The following RPS6KA2 variants were observed in gnomAD, a reference collection of about 807,000 sequenced individuals.
The protein encoded by RPS6KA2 is ribosomal protein S6 kinase A2.
In RPS6KA2, 42 loss-of-function variants were observed where a neutral mutation model predicts 91.8. The ratio of observed to expected loss-of-function variants is 0.46; its 90% CI spans 0.36 to 0.59. RPS6KA2 has a LOEUF of 0.59. Ranked by LOEUF, RPS6KA2 falls within the 20% of genes least tolerant of loss-of-function variation. The pLI is 0.00. For missense variants in RPS6KA2, 798 were observed against 978.5 expected (o/e 0.82, Z 2.46); for synonymous variants, 414 against 393.6 (o/e 1.05, Z -0.61).
At chr6:166,840,580 A>C (rs1780444239) in intron 2 of RPS6KA2, among the ~76,000 whole-genome samples, 2 of 152,224 alleles carry the variant, frequency 1.3e-5, no homozygotes, top group African/African-American at 4.8e-5. Flanking sequence ...AATGCTAGAC[A>C]GCACGTCCTT....
chr6:166,862,727 T>C (rs13362600), upstream of RPS6KA2: 21,715 of 127,146 alleles, frequency 0.17, 2,254 homozygotes, highest in Non-Finnish European at 0.2. Flanking sequence ...GGCAGGTCTT[T>C]CCCCCCCACC....
At position 166,433,817 on chromosome 6, in the gene RPS6KA2, C is replaced by T. The variant is rs1044470695; in HGVS notation, c.1333-1327G>A. Among the ~76,000 whole-genome samples the T allele has an allele frequency of 3.3e-5, 5 of 152,150 alleles. No homozygotes were observed. The highest frequency in any genetic ancestry group is 7.3e-5 in the Non-Finnish European group (5 of 68,028). Reference sequence around the variant, plus strand: ...TTGCCTAGGTTGGAATACAGTGGTACAAGCATAGTTCACTGCAACATCAAA... The same window carrying T: ...TTGCCTAGGTTGGAATACAGTGGTATAAGCATAGTTCACTGCAACATCAAA... On this transcript the variant is annotated intron_variant, in intron 14 of 20. Transcript: ENST00000265678. The surrounding 1 kb of genome is among the most constrained non-coding windows in gnomAD (Gnocchi z 4.4).
At chr6:166,836,449 ATG>A (rs910484277) in intron 2 of RPS6KA2, among the ~76,000 whole-genome samples, 6 of 35,448 alleles carry the variant, frequency 1.7e-4, no homozygotes, top group Admixed American at 6.1e-4. Flanking sequence ...GTAAATATAC[ATG>A]TTAATTATTT....
chr6:166,475,566 G>A (rs558155959), intron 10 of RPS6KA2, among the ~76,000 whole-genome samples: 8 of 152,238 alleles, frequency 5.3e-5, no homozygotes, highest in South Asian at 4.1e-4. Flanking sequence ...CAGCTCTGTC[G>A]CCCCCACTCA....
chr6:166,481,214 C>G (rs1562524436), intron 10 of RPS6KA2, among the ~76,000 whole-genome samples: 3 of 152,226 alleles, frequency 2.0e-5, no homozygotes, highest in African/African-American at 7.2e-5. Flanking sequence ...GTCAAGTACT[C>G]TTATCAGAAA....
chr6:166,527,869 T>A (rs11962691), intron 3 of RPS6KA2, among the ~76,000 whole-genome samples: 6 of 152,094 alleles, frequency 3.9e-5, no homozygotes, highest in South Asian at 2.1e-4. Flanking sequence ...CATGTTGGAG[T>A]GGGCACCAGT....
rs1012863050 is a variant in RPS6KA2, at chr6:166,549,778, T to C, written c.100-10994A>G. The stretch of plus-strand genomic sequence containing the variant: ...ATGTGATATATTTGCAGAGAACTCA[T>C]ATACACACACACGAGTACACGTAAA... On this transcript the variant is annotated intron_variant, in intron 1 of 20. Coordinates refer to ENST00000265678, the MANE Select transcript of RPS6KA2 (RefSeq NM_021135.6). Among the ~76,000 whole-genome samples, 7 of 152,274 alleles carry C rather than the reference T, an allele frequency of 4.6e-5. No homozygotes were observed. The East Asian group carries it at 1.3e-3, about 29-fold the overall frequency.
intron 2 of RPS6KA2, among the ~76,000 whole-genome samples, chr6:166,685,188 G>A (rs1443821120): frequency 4.1e-5 from 6 of 148,014 alleles, no homozygotes; most frequent in Non-Finnish European, 6.0e-5. Flanking sequence ...CAGAGGCCGA[G>A]GAAAGCTCAG....
chr6:166,830,302 T>C (rs1442932123), intron 2 of RPS6KA2, among the ~76,000 whole-genome samples: 1 of 152,204 alleles, frequency 6.6e-6, no homozygotes, highest in Non-Finnish European at 1.5e-5. Flanking sequence ...GTCAAAATTA[T>C]AGAGACAGAA....
intron 1 of RPS6KA2, among the ~76,000 whole-genome samples, chr6:166,577,242 G>T (rs1223521030): frequency 6.6e-6 from 1 of 152,232 alleles, no homozygotes; most frequent in Non-Finnish European, 1.5e-5. Flanking sequence ...ATGTGGGGTT[G>T]GAACCCCCAC....
chr6:166,604,945 T>A (rs1011029126), intron 1 of RPS6KA2, among the ~76,000 whole-genome samples: 2 of 152,094 alleles, frequency 1.3e-5, no homozygotes, highest in Non-Finnish European at 2.9e-5. Flanking sequence ...AATTATATTA[T>A]CGGGATTGAT....
At chr6:166,507,235 G>A (rs755297646) in intron 5 of RPS6KA2, among the ~76,000 whole-genome samples, 1 of 152,104 alleles carries the variant, frequency 6.6e-6, no homozygotes, top group Admixed American at 6.6e-5. Context: ...TTCCATCTGC[G>A]CTAGCTGGGA....
intron 10 of RPS6KA2, among the ~76,000 whole-genome samples, chr6:166,474,833 G>A (rs1226470057): frequency 6.6e-6 from 1 of 152,058 alleles, no homozygotes; most frequent in African/African-American, 2.4e-5. Context: ...ACCCACAACC[G>A]CGAGCCTCTC....
At chr6:166,673,978 C>T (rs1788551534) in intron 2 of RPS6KA2, among the ~76,000 whole-genome samples, 1 of 152,226 alleles carries the variant, frequency 6.6e-6, no homozygotes, top group South Asian at 2.1e-4. Context: ...CAGTGAAATT[C>T]TATGGAGCTG....
In RPS6KA2 at chr6:166,595,341, C is replaced by T. The variant is rs527579848; in HGVS notation, c.99+31580G>A. On this transcript the variant is annotated intron_variant, in intron 1 of 20. Coordinates refer to ENST00000265678, the MANE Select transcript of RPS6KA2 (RefSeq NM_021135.6). ...TGTTGGGATTACAGGCATGAGCCAC[C>T]GTGCCCAGCCAAAACGAATAAACTT... Among the ~76,000 whole-genome samples, 59 of 152,298 alleles carry T rather than the reference C, an allele frequency of 3.9e-4. No homozygotes were observed. The East Asian group carries it at 4.2e-3, about 11-fold the overall frequency.
rs1029989340 is a variant in RPS6KA2, at chr6:166,665,007, G to A, written c.124-126223C>T. On this transcript the variant is annotated intron_variant, in intron 2 of 21. Coordinates refer to the RPS6KA2 transcript ENST00000503859. The surrounding 1 kb of genome is among the most constrained non-coding windows in gnomAD (Gnocchi z 4.5). ...CACCTGTAACCCCAGTACTTTGAGA[G>A]GCTGAGGCAAGAGGATTGCTTGAGC... Among the ~76,000 whole-genome samples the A allele has an allele frequency of 6.6e-6, 1 of 152,190 alleles. No individual in the cohort carries two copies. The highest frequency in any genetic ancestry group is 1.5e-5 in the Non-Finnish European group (1 of 68,028).
intron 2 of RPS6KA2, among the ~76,000 whole-genome samples, chr6:166,762,261 C>A (rs764787325): frequency 1.3e-5 from 2 of 152,218 alleles, no homozygotes; most frequent in African/African-American, 2.4e-5. Context: ...CTCCCTCAGA[C>A]GCAAAACCGA....
At chr6:166,525,189 T>C (rs1017721679) in intron 3 of RPS6KA2, among the ~76,000 whole-genome samples, 7 of 152,194 alleles carry the variant, frequency 4.6e-5, no homozygotes. Context: ...TTCTTTTAAA[T>C]CAAGTTCCCT....
Position 166,638,697 on chromosome 6 carries a change from C to T in RPS6KA2, c.124-99913G>A, listed in dbSNP as rs181392485. 2.6e-5 allele frequency among the ~76,000 whole-genome samples: 4 copies of T among 152,216 alleles called. No individual in the cohort carries two copies. In the East Asian group the frequency reaches 5.8e-4, roughly 22 times the overall value. On this transcript the variant is annotated intron_variant, in intron 2 of 21. Coordinates refer to the RPS6KA2 transcript ENST00000503859. ...AGTCTCTAGAACAGTGGTTCTGGGGCGGTAGAGGATGGGTCCCAGGGGACG... is the reference window on the plus strand; with the variant it reads ...AGTCTCTAGAACAGTGGTTCTGGGGTGGTAGAGGATGGGTCCCAGGGGACG...
Sources: allele counts gnomAD v4.1 joint callset (sites outside exome capture counted in the v4.1 genomes callset), GRCh38; gene constraint gnomAD v4.1.1; non-coding constraint Gnocchi (gnomAD v3.1); transcripts MANE v1.5; gene names NCBI Gene and HGNC (gene_info 2026-07-23, HGNC 2026-07-21).